SYT1: variants seen among roughly 807,000 people sequenced by gnomAD.
SYT1 encodes the protein synaptotagmin-1.
In SYT1, 8 loss-of-function variants were observed where a neutral mutation model predicts 44.8. The observed-to-expected ratio is 0.18, with a 90% CI of 0.10 to 0.32. SYT1 has a LOEUF of 0.32. Ranked by LOEUF, SYT1 falls within the 10% of genes least tolerant of loss-of-function variation. The pLI, the probability that SYT1 is intolerant of heterozygous loss-of-function variation, is 1.00. For synonymous variants in SYT1, 154 were observed against 188.8 expected (o/e 0.82, Z 1.51); for missense variants, 286 against 509.3 (o/e 0.56, Z 4.22).
At chr12:79,372,556 C>T (rs1883833594) in intron 9 of SYT1, among the ~76,000 whole-genome samples, 1 of 152,056 alleles carries the variant, frequency 6.6e-6, no homozygotes, top group African/African-American at 2.4e-5. Context: ...TAAGCTGAGG[C>T]CATAAGGGTA....
chr12:79,194,616 G>A (rs1383210136), intron 3 of SYT1, among the ~76,000 whole-genome samples: 1 of 151,982 alleles, frequency 6.6e-6, no homozygotes, highest in Non-Finnish European at 1.5e-5. Flanking sequence ...TGATGCCAAC[G>A]CTGCTGGTCC....
intron 2 of SYT1, among the ~76,000 whole-genome samples, chr12:79,014,753 C>T (rs1043836302): frequency 3.3e-5 from 5 of 152,086 alleles, no homozygotes; most frequent in Non-Finnish European, 7.4e-5. Flanking sequence ...TATAAAGACA[C>T]ATGCACACGT....
intron 9 of SYT1, among the ~76,000 whole-genome samples, chr12:79,365,458 C>CT (rs1883502049): frequency 1.3e-5 from 2 of 151,880 alleles, no homozygotes; most frequent in East Asian, 3.9e-4. Context: ...GGATAGGGAA[C>CT]AATATAGTAA....
At chr12:78,868,401 T>C (rs1476381285) in intron 1 of SYT1, among the ~76,000 whole-genome samples, 2 of 151,876 alleles carry the variant, frequency 1.3e-5, no homozygotes, top group East Asian at 3.9e-4. Flanking sequence ...TTGTGATATT[T>C]TAAAATTCTT....
At chr12:79,286,158 A>G (rs1879305011) in intron 5 of SYT1, among the ~76,000 whole-genome samples, 187 bp downstream of exon 5, 1 of 152,146 alleles carries the variant, frequency 6.6e-6, no homozygotes, top group African/African-American at 2.4e-5. Context: ...AGGGTTTTCC[A>G]ATCTCCTGAG....
intron 3 of SYT1, among the ~76,000 whole-genome samples, chr12:79,144,444 C>T (rs1869750259): frequency 6.6e-6 from 1 of 152,220 alleles, no homozygotes; most frequent in Non-Finnish European, 1.5e-5. Flanking sequence ...GTTTCCTCAG[C>T]CCACATTGGG....
Position 79,241,473 on chromosome 12 carries a change from T to C in SYT1, c.166+23788T>C, listed in dbSNP as rs147401470. ...TTTTAGTACAGATGGGGTTTCGCCA[T>C]GTTGGCCAGGCTGGTCTCGAACTCC... On this transcript the variant is annotated intron_variant, in intron 4 of 10. Coordinates refer to ENST00000261205, the MANE Select transcript of SYT1 (RefSeq NM_005639.3). 6.0e-3 allele frequency among the ~76,000 whole-genome samples: 917 copies of C among 152,252 alleles called. 11 individuals carry two copies. Among genetic ancestry groups the C allele is most frequent in the Non-Finnish European group, 9.0e-3 (610 of 68,016 alleles).
intron 8 of SYT1, among the ~76,000 whole-genome samples, chr12:79,343,379 A>G (rs1456215304): frequency 6.6e-6 from 1 of 152,230 alleles, no homozygotes; most frequent in Non-Finnish European, 1.5e-5. Context: ...ACACTCACAC[A>G]GTACATTTTG....
chr12:79,213,607 C>A (rs1446632592), intron 3 of SYT1, among the ~76,000 whole-genome samples: 2 of 152,158 alleles, frequency 1.3e-5, no homozygotes, highest in Non-Finnish European at 2.9e-5. Flanking sequence ...TCTGAATAAG[C>A]AAACTATGTA....
rs1877066982 is a variant in SYT1, at chr12:79,081,998, A to C, written c.-18+34636A>C. Among the ~76,000 whole-genome samples, 3 of 152,136 alleles carry C rather than the reference A, an allele frequency of 2.0e-5. No individual in the cohort carries two copies. In the South Asian group the frequency reaches 6.2e-4, roughly 31 times the overall value. On this transcript the variant is annotated intron_variant, in intron 3 of 10. Transcript: ENST00000261205. The stretch of plus-strand genomic sequence containing the variant: ...AAATAGAAAATTATTTTTCTACAAA[A>C]TAGAAGTAGTACATACATTGACATT...
intron 9 of SYT1, among the ~76,000 whole-genome samples, chr12:79,368,880 T>A (rs1284977349): frequency 6.6e-6 from 1 of 152,266 alleles, no homozygotes; most frequent in East Asian, 1.9e-4. Context: ...TTTCTTTTGC[T>A]GTGCAGAAGC....
chr12:79,258,479 G>C (rs971091117), intron 4 of SYT1, among the ~76,000 whole-genome samples: 2 of 152,142 alleles, frequency 1.3e-5, no homozygotes, highest in African/African-American at 4.8e-5. Context: ...GGACGCCTTG[G>C]TAATTTGAGT....
chr12:79,390,699 C>T (rs1310168763), intron 9 of SYT1, among the ~76,000 whole-genome samples: 1 of 152,182 alleles, frequency 6.6e-6, no homozygotes, highest in Non-Finnish European at 1.5e-5. Flanking sequence ...ATTCAATTCA[C>T]ATTATTGGGA....
At chr12:79,167,603 A>G (rs1447659969) in intron 3 of SYT1, among the ~76,000 whole-genome samples, 3 of 152,114 alleles carry the variant, frequency 2.0e-5, no homozygotes, top group Non-Finnish European at 4.4e-5. Flanking sequence ...TAAGCCTACT[A>G]TGTGGAAAAT....
chr12:79,293,375 TAAAATAAAATAAAATAAAATAAAATA>T (rs1555214788), intron 6 of SYT1, among the ~76,000 whole-genome samples: 14 of 140,512 alleles, frequency 1.0e-4, no homozygotes, highest in African/African-American at 2.7e-4. Context: ...TAAAATAAAA[TAAAATAAAATAAAATAAAATAAAATA>T]AAATAAAATT....
intron 1 of SYT1, among the ~76,000 whole-genome samples, chr12:78,951,093 T>C (rs1183140093): frequency 1.3e-5 from 2 of 152,138 alleles, no homozygotes; most frequent in Non-Finnish European, 2.9e-5. Context: ...ATGTATTCTC[T>C]CCAGAGTGAT....
intron 3 of SYT1, among the ~76,000 whole-genome samples, chr12:79,176,406 C>T (rs779438766): frequency 3.3e-5 from 5 of 151,884 alleles, no homozygotes; most frequent in Admixed American, 6.6e-5. Flanking sequence ...TTACCCAGAC[C>T]GAGTGGCAAA....
At chr12:79,024,124 C>G (rs1872371176) in intron 2 of SYT1, among the ~76,000 whole-genome samples, 1 of 151,754 alleles carries the variant, frequency 6.6e-6, no homozygotes, top group Non-Finnish European at 1.5e-5. Context: ...GATGGAAATG[C>G]ATGGGGTTCT....
In SYT1 at chr12:78,935,842, A is replaced by G. The variant is rs868151570; in HGVS notation, c.-216-41957A>G. On this transcript the variant is annotated intron_variant, in intron 1 of 10. Coordinates refer to ENST00000261205, the MANE Select transcript of SYT1 (RefSeq NM_005639.3). ...ATAAAAACTAAAAAATTTGTTGTAA[A>G]GTCATTTGAAAAGGAGTATACTTAT... is the stretch of plus-strand genomic sequence containing the variant. 5.9e-5 allele frequency among the ~76,000 whole-genome samples: 9 copies of G among 152,262 alleles called. 1 individual carries two copies. The highest frequency in any genetic ancestry group is 1.9e-4 in the African/African-American group (8 of 41,582).
Sources: gnomAD v4.1 joint callset for allele counts (sites outside exome capture counted in the v4.1 genomes callset) on GRCh38, gnomAD v4.1.1 for gene constraint, MANE v1.5 for transcripts, NCBI Gene and HGNC (gene_info 2026-07-23, HGNC 2026-07-21) for gene names.